CRISP1: variants seen among roughly 807,000 people sequenced by gnomAD.
The protein encoded by CRISP1 is cysteine-rich secretory protein 1.
Under a neutral mutation model 33.1 loss-of-function variants are expected in CRISP1, and 44 were observed. The observed-to-expected ratio is 1.33, with a 90% CI of 1.05 to 1.71. The LOEUF (loss-of-function observed/expected upper bound fraction) is 1.71, where lower values mean the gene tolerates loss of function less well. Among genes scored for constraint, CRISP1 ranks in the 40% most tolerant of loss-of-function variants. The pLI, the probability that CRISP1 is intolerant of heterozygous loss-of-function variation, is 0.00. For missense variants in CRISP1, 390 were observed against 301.2 expected, an observed-to-expected ratio of 1.29 and a Z score of -2.18; for synonymous variants, 103 against 98.7, an observed-to-expected ratio of 1.04 and a Z score of -0.26.
chr6:49,852,249 T>A, intron 2 of CRISP1, 120 bp from the exon 3 acceptor site: 1 of 893,060 alleles, frequency 1.1e-6, no homozygotes, highest in South Asian at 1.9e-5. Flanking sequence ...TTTATAGCAT[T>A]TTTGAATTTA....
chr6:49,873,366 T>G (rs1005072839), intron 1 of CRISP1, among the ~76,000 whole-genome samples: 1 of 152,074 alleles, frequency 6.6e-6, no homozygotes, highest in Non-Finnish European at 1.5e-5. Flanking sequence ...TAAAACTAAA[T>G]GCCATTTAAT....
At chr6:49,860,704 A>G (rs1404589750) in intron 1 of CRISP1, among the ~76,000 whole-genome samples, 5 of 152,124 alleles carry the variant, frequency 3.3e-5, no homozygotes, top group South Asian at 2.1e-4. Flanking sequence ...AATGCATCTC[A>G]AGAACTAAAT....
chr6:49,854,614 G>A (rs993596677), intron 2 of CRISP1, among the ~76,000 whole-genome samples: 2 of 152,042 alleles, frequency 1.3e-5, no homozygotes, highest in Non-Finnish European at 2.9e-5. Flanking sequence ...ATTGTTCTCT[G>A]TCTCTACTCT....
chr6:49,852,114 C>T lies in CRISP1; in HGVS notation c.82G>A (p.Asp28Asn), dbSNP rs1455749662. Residue 28 changes from aspartate to asparagine, a missense_variant, in exon 3 of 8, where the codon GAC becomes AAC. Asp to Asn is a conservative substitution (Grantham distance 23, BLOSUM62 1). Transcript: ENST00000335847. ...MLSMKKKSAR[D>N]QFNKLVTDLP... ...TCGGTGACGAGCTTATTAAATTGGT[C>T]TCTAGCTGATTTCTTCTGTTACCAG... 1 of 1,611,082 alleles carries T rather than the reference C, an allele frequency of 6.2e-7. No individual in the cohort carries two copies. The highest frequency in any genetic ancestry group is 1.1e-5 in the South Asian group (1 of 90,256).
chr6:49,840,076 G>C (rs543175848), intron 6 of CRISP1, among the ~76,000 whole-genome samples: 1 of 152,324 alleles, frequency 6.6e-6, no homozygotes, highest in East Asian at 1.9e-4. Flanking sequence ...AGCTGAAGGA[G>C]ATATATGATG....
intron 1 of CRISP1, among the ~76,000 whole-genome samples, chr6:49,861,849 C>A (rs568536064): frequency 6.6e-6 from 1 of 151,738 alleles, no homozygotes; most frequent in African/African-American, 2.4e-5. Flanking sequence ...CATGCCATTG[C>A]GCTCAAGCCT....
intron 2 of CRISP1, among the ~76,000 whole-genome samples, chr6:49,853,137 T>A (rs1771401022): frequency 6.6e-6 from 1 of 152,168 alleles, no homozygotes; most frequent in African/African-American, 2.4e-5. Flanking sequence ...TCTGTGGACA[T>A]ACTCACATGA....
At chr6:49,847,230 T>TA (rs1477599561) in intron 4 of CRISP1, among the ~76,000 whole-genome samples, 4 of 152,050 alleles carry the variant, frequency 2.6e-5, no homozygotes, top group African/African-American at 9.7e-5. Context: ...ACATGTTAAT[T>TA]AAAAAAAGAT....
chr6:49,841,421 G>A (rs1770984089), intron 5 of CRISP1, among the ~76,000 whole-genome samples: 1 of 152,168 alleles, frequency 6.6e-6, no homozygotes, highest in Admixed American at 6.5e-5. Flanking sequence ...TGAACAGGCT[G>A]ATGTTCAAAG....
At chr6:49,839,272 CAAAAAAAAAAA>C (rs60021006) in intron 6 of CRISP1, among the ~76,000 whole-genome samples, 14 of 54,878 alleles carry the variant, frequency 2.6e-4, no homozygotes, top group East Asian at 1.6e-3. Flanking sequence ...TTCATATCTA[CAAAAAAAAAAA>C]AAAAAAAAAA....
chr6:49,848,857 A>G (rs1307081725), intron 3 of CRISP1, among the ~76,000 whole-genome samples: 1 of 152,120 alleles, frequency 6.6e-6, no homozygotes, highest in Non-Finnish European at 1.5e-5. Flanking sequence ...AGAATCTGTC[A>G]CCAATTCTGT....
chr6:49,874,636 C>T (rs780026399), intron 1 of CRISP1, among the ~76,000 whole-genome samples: 6 of 152,054 alleles, frequency 3.9e-5, no homozygotes, highest in Admixed American at 1.3e-4. Context: ...CCTTGATGAA[C>T]ATTGATTCAG....
At chr6:49,851,977 G>T (rs756792397) in intron 3 of CRISP1, 24 bp downstream of exon 3, 2 of 1,597,696 alleles carry the variant, frequency 1.3e-6, no homozygotes, top group African/African-American at 1.4e-5. Context: ...TGCAATCATG[G>T]TTGTTGCTAT....
At chr6:49,857,482 T>C in intron 1 of CRISP1, 80 bp from the exon 2 acceptor site, 1 of 1,350,862 alleles carries the variant, frequency 7.4e-7, no homozygotes, top group South Asian at 1.3e-5. Context: ...AAACCACTTT[T>C]ACATGTGTTT....
chr6:49,858,190 A>G (rs1771546149), intron 1 of CRISP1, among the ~76,000 whole-genome samples: 1 of 152,158 alleles, frequency 6.6e-6, no homozygotes, highest in East Asian at 1.9e-4. Flanking sequence ...TCACTTTGCT[A>G]AGCATGGTTG....
chr6:49,866,971 C>T (rs1235222097), upstream of CRISP1, among the ~76,000 whole-genome samples: 1 of 152,210 alleles, frequency 6.6e-6, no homozygotes, highest in Non-Finnish European at 1.5e-5. Context: ...TAATGTGTCA[C>T]ATACTTGGAG....
In CRISP1 at chr6:49,852,093, T is replaced by C. The variant is rs966420383; in HGVS notation, c.103A>G (p.Thr35Ala). Residue 35 changes from threonine to alanine, a missense_variant, in exon 3 of 8, where the codon ACC becomes GCC. Thr to Ala is a moderately conservative substitution (Grantham distance 58). Transcript: ENST00000335847. ...TCTTCTTGTACATTTGGCAAGTCGGTGACGAGCTTATTAAATTGGTCTCTA... is the reference window on the plus strand; with the variant it reads ...TCTTCTTGTACATTTGGCAAGTCGGCGACGAGCTTATTAAATTGGTCTCTA... ...SARDQFNKLV[T>A]DLPNVQEEIV... 3.1e-6 allele frequency: 5 copies of C among 1,613,258 alleles called. No homozygotes were observed. The highest frequency in any genetic ancestry group is 4.2e-6 in the Non-Finnish European group (5 of 1,179,518).
intron 4 of CRISP1, among the ~76,000 whole-genome samples, 179 bp from the exon 5 acceptor site, chr6:49,846,847 G>A (rs1771191280): frequency 6.6e-6 from 1 of 152,062 alleles, no homozygotes; most frequent in Non-Finnish European, 1.5e-5. Flanking sequence ...ATGAGCATGT[G>A]GTACTCAAGT....
At chr6:49,876,360 T>C (rs959968844) in intron 1 of CRISP1, among the ~76,000 whole-genome samples, 7 of 152,158 alleles carry the variant, frequency 4.6e-5, no homozygotes, top group African/African-American at 1.7e-4. Context: ...CCAGTCAGAA[T>C]GGCTACTATT....
Sources: gnomAD v4.1 joint callset for allele counts (sites outside exome capture counted in the v4.1 genomes callset) on GRCh38, gnomAD v4.1.1 for gene constraint, MANE v1.5 for transcripts, NCBI Gene and HGNC (gene_info 2026-07-23, HGNC 2026-07-21) for gene names.